INSYN2B: variants seen among roughly 807,000 people sequenced by gnomAD.
The protein encoded by INSYN2B is inhibitory synaptic factor family member 2B, also known as protein INSYN2B.
INSYN2B carries 16 observed loss-of-function variants against 41.2 expected under a neutral mutation model. The observed-to-expected ratio is 0.39, with a 90% confidence interval of 0.26 to 0.59. INSYN2B has a LOEUF of 0.59. INSYN2B is among the 20% of genes least tolerant of loss of function. The pLI, the probability that INSYN2B is intolerant of heterozygous loss-of-function variation, is 0.57. For synonymous variants in INSYN2B, 245 were observed against 244.4 expected (o/e 1.00, Z -0.02); for missense variants, 608 against 646.4 (o/e 0.94, Z 0.64).
chr5:169,980,035 T>G (rs553620168), intron 1 of INSYN2B, among the ~76,000 whole-genome samples: 2 of 152,294 alleles, frequency 1.3e-5, no homozygotes, highest in South Asian at 4.1e-4. Flanking sequence ...TTTTTCCCCC[T>G]TCAAATTCAA....
chr5:169,906,782 T>C (rs892905874), intron 1 of INSYN2B, among the ~76,000 whole-genome samples: 15 of 152,212 alleles, frequency 9.9e-5, no homozygotes, highest in Non-Finnish European at 8.8e-5. Context: ...TCAGAAAGAA[T>C]TGAAGGGTGG....
intron 1 of INSYN2B, among the ~76,000 whole-genome samples, chr5:169,958,874 G>GA (rs1289283622): frequency 6.6e-6 from 1 of 152,054 alleles, no homozygotes; most frequent in Non-Finnish European, 1.5e-5. Flanking sequence ...GAGAGTGGGG[G>GA]AAAAACCTAG....
intron 1 of INSYN2B, among the ~76,000 whole-genome samples, chr5:169,922,472 T>C (rs564408167): frequency 6.6e-6 from 1 of 152,364 alleles, no homozygotes; most frequent in East Asian, 1.9e-4. Flanking sequence ...TGGTATTGTA[T>C]CCAGACTGGG....
chr5:169,928,569 C>A (rs1775589622), intron 1 of INSYN2B, among the ~76,000 whole-genome samples: 1 of 152,188 alleles, frequency 6.6e-6, no homozygotes, highest in African/African-American at 2.4e-5. Flanking sequence ...GAAGCATCGT[C>A]CATCCAAAAG....
chr5:169,928,102 A>T (rs1410439983), intron 1 of INSYN2B, among the ~76,000 whole-genome samples: 1 of 152,192 alleles, frequency 6.6e-6, no homozygotes, highest in African/African-American at 2.4e-5. Flanking sequence ...AGATACTGTC[A>T]ACCTGGGGTT....
intron 1 of INSYN2B, among the ~76,000 whole-genome samples, chr5:169,936,577 CCT>C (rs1491133495): frequency 7.7e-6 from 1 of 130,128 alleles, no homozygotes; most frequent in Non-Finnish European, 1.6e-5. Context: ...TTCTCAGACT[CCT>C]TTTTTTTTTT....
chr5:169,869,756 A>G (rs1561780856), intron 3 of INSYN2B, among the ~76,000 whole-genome samples: 2 of 152,170 alleles, frequency 1.3e-5, no homozygotes, highest in Non-Finnish European at 2.9e-5. Context: ...ACAGTGGGAG[A>G]GACTCTCTGC....
chr5:169,961,978 C>CTAAAAAAAAAAAAAAAAA (rs1777104664), intron 1 of INSYN2B, among the ~76,000 whole-genome samples: 3 of 74,634 alleles, frequency 4.0e-5, no homozygotes, highest in Non-Finnish European at 7.1e-5. Flanking sequence ...GACTCTGTCC[C>CTAAAAAAAAAAAAAAAAA]AAAAAAAAAA....
chr5:169,965,275 G>T (rs1172371115), intron 1 of INSYN2B, among the ~76,000 whole-genome samples: 1 of 152,212 alleles, frequency 6.6e-6, no homozygotes, highest in African/African-American at 2.4e-5. Flanking sequence ...TGATTCTTCA[G>T]CTGCGGGCTG....
intron 1 of INSYN2B, among the ~76,000 whole-genome samples, chr5:169,933,691 C>T (rs1205274163): frequency 1.3e-5 from 2 of 152,142 alleles, no homozygotes; most frequent in Non-Finnish European, 1.5e-5. Context: ...TAAGAGAGTA[C>T]CTGTGTGTAT....
chr5:169,889,426 A>G (rs1196427424), intron 1 of INSYN2B, among the ~76,000 whole-genome samples: 3 of 152,220 alleles, frequency 2.0e-5, no homozygotes, highest in Non-Finnish European at 4.4e-5. Context: ...CCTGATCCCT[A>G]TTGTAGCACT....
rs1772866842 is a variant in INSYN2B at position 169,884,683 on chromosome 5, G to A, written c.-785C>T. On this transcript the variant is annotated 5_prime_UTR_variant, in exon 2 of 4. Transcript: ENST00000377365. ...CAGTGGGCAGAGTCCCTGTTGTGGT[G>A]TGTTGGCCGAAGTTCACATGTGGGC... is the stretch of plus-strand genomic sequence containing the variant. The A allele has an allele frequency of 1.3e-5, 2 of 152,458 alleles. No individual in the cohort carries two copies. Among genetic ancestry groups the A allele is most frequent in the Admixed American group, 6.5e-5 (1 of 15,278 alleles). The allele number at this position is 152,458 out of a possible 1,614,324, so 9.4% of individuals were successfully genotyped here.
At position 169,883,285 on chromosome 5, in the gene INSYN2B, G is replaced by A; in HGVS notation, c.614C>T (p.Pro205Leu). ...GGAAGGACTGTGATAAATATCATCTGGAACCTGAATGGCAGCTGTGGCTTT... is the reference window on the plus strand; with the variant it reads ...GGAAGGACTGTGATAAATATCATCTAGAACCTGAATGGCAGCTGTGGCTTT... ...LEKATAAIQV[P>L]DDIYHSPSWE... The change falls in exon 2 of 4, where the codon CCA becomes CTA. Residue 205 changes from proline (P) to leucine (L), a missense_variant. Transcript: ENST00000377365. 6.4e-7 allele frequency: 1 copy of A among 1,551,644 alleles called. No individual in the cohort carries two copies. Among genetic ancestry groups the A allele is most frequent in the East Asian group, 2.4e-5 (1 of 40,922 alleles).
intron 1 of INSYN2B, among the ~76,000 whole-genome samples, chr5:169,933,579 A>G (rs748690202): frequency 6.6e-5 from 10 of 152,332 alleles, no homozygotes; most frequent in Middle Eastern, 3.4e-3. Context: ...TTTCAGAAAC[A>G]ATGAATCTTT....
At chr5:169,893,321 G>A (rs934514263) in intron 1 of INSYN2B, among the ~76,000 whole-genome samples, 5 of 152,168 alleles carry the variant, frequency 3.3e-5, no homozygotes, top group Non-Finnish European at 7.3e-5. Context: ...ACCACCAGAT[G>A]CAACTGCTGG....
chr5:169,873,087 G>A (rs190031808), intron 3 of INSYN2B, among the ~76,000 whole-genome samples: 5 of 152,186 alleles, frequency 3.3e-5, no homozygotes, highest in African/African-American at 1.2e-4. Flanking sequence ...TTCAACTCGT[G>A]TAATTTTATA....
At position 169,916,350 on chromosome 5, in the gene INSYN2B, C is replaced by T. The variant is rs565320053; in HGVS notation, c.-918-31534G>A. Among the ~76,000 whole-genome samples the T allele has an allele frequency of 3.3e-5, 5 of 152,314 alleles. No individual in the cohort carries two copies. The East Asian group carries it at 9.6e-4, about 29-fold the overall frequency. On this transcript the variant is annotated intron_variant, in intron 1 of 3. Transcript: ENST00000377365. ...AGGAACCAGCCACTTTGACAGGTGG[C>T]CTTTCATCAGGCTCATCAATGTCTT... is the stretch of plus-strand genomic sequence containing the variant.
At chr5:169,875,054 C>T (rs544800243) in intron 3 of INSYN2B, among the ~76,000 whole-genome samples, 71 of 152,164 alleles carry the variant, frequency 4.7e-4, no homozygotes, top group African/African-American at 1.3e-3. Context: ...ATTCATCTTT[C>T]CAAAGATGTA....
At chr5:169,963,799 C>G (rs1777188383) in intron 1 of INSYN2B, among the ~76,000 whole-genome samples, 1 of 152,290 alleles carries the variant, frequency 6.6e-6, no homozygotes, top group East Asian at 1.9e-4. Flanking sequence ...GGCCCTGGCT[C>G]TTATCCTTGA....
Sources: allele counts gnomAD v4.1 joint callset (sites outside exome capture counted in the v4.1 genomes callset), GRCh38; gene constraint gnomAD v4.1.1; transcripts MANE v1.5; gene names NCBI Gene and HGNC (gene_info 2026-07-23, HGNC 2026-07-21).